TNIP3: variants seen among roughly 807,000 people sequenced by gnomAD.
TNIP3 encodes TNFAIP3 interacting protein 3.
TNIP3 carries 34 observed loss-of-function variants against 54.1 expected under a neutral mutation model. The ratio of observed to expected loss-of-function variants is 0.63; its 90% CI spans 0.48 to 0.84. The LOEUF is 0.84. Ranked by LOEUF, TNIP3 falls within the 40% of genes least tolerant of loss-of-function variation. The pLI, the probability that TNIP3 is intolerant of heterozygous loss-of-function variation, is 0.00. For synonymous variants in TNIP3, 134 were observed against 136.8 expected (o/e 0.98, Z 0.14); for missense variants, 366 against 387.6 (o/e 0.94, Z 0.47).
intron 9 of TNIP3, among the ~76,000 whole-genome samples, chr4:121,140,952 A>G (rs933969059): frequency 1.3e-5 from 2 of 152,190 alleles, no homozygotes; most frequent in African/African-American, 4.8e-5. Context: ...GTTTTGAGTC[A>G]CACTCGAACA....
chr4:121,216,433 T>C lies in TNIP3; in HGVS notation c.50A>G (p.Gln17Arg), dbSNP rs1726795358. 3 of 1,535,722 alleles carry C rather than the reference T, an allele frequency of 2.0e-6. No individual in the cohort carries two copies. In the African/African-American group the frequency reaches 4.1e-5, roughly 21 times the overall value. The stretch of plus-strand genomic sequence containing the variant: ...TTATTACCTTTCAGAATCTTCAGAT[T>C]GATTGGTGAACATTACCAGTTTATC... The change falls in exon 2 of 13, where the codon CAA becomes CGA. Residue 17 changes from glutamine (Q) to arginine (R), a missense_variant. Transcript: ENST00000507879.
chr4:121,157,139 G>A lies in TNIP3; in HGVS notation c.318C>T (p.Asp106=). Residue 106 remains aspartate, a synonymous_variant, in exon 4 of 11, where the codon GAC becomes GAT. Coordinates refer to ENST00000057513, the MANE Select transcript of TNIP3 (RefSeq NM_024873.6). Reference sequence around the variant, plus strand: ...CCCGGGTCAGGTCGCGCTGCCTGTCGTCCTCTCTCTGCCTGTCGTCCTTTC... The same window carrying A: ...CCCGGGTCAGGTCGCGCTGCCTGTCATCCTCTCTCTGCCTGTCGTCCTTTC... ...RQRKDDRQRE[D]DRQRDLTRDR... The A allele has an allele frequency of 6.2e-7, 1 of 1,609,952 alleles. No homozygotes were observed. The highest frequency in any genetic ancestry group is 8.5e-7 in the Non-Finnish European group (1 of 1,178,542).
upstream of TNIP3, among the ~76,000 whole-genome samples, chr4:121,169,073 G>A (rs1050518388): frequency 6.6e-6 from 1 of 152,018 alleles, no homozygotes; most frequent in Non-Finnish European, 1.5e-5. Context: ...AGTGGCCACT[G>A]TGAGACTTTT....
In TNIP3 at chr4:121,141,920, G is replaced by C. The variant is rs373472329; in HGVS notation, c.787-6C>G. 1 of 1,585,916 alleles carries C rather than the reference G, an allele frequency of 6.3e-7. No homozygotes were observed. The highest frequency in any genetic ancestry group is 1.4e-5 in the African/African-American group (1 of 73,546). The stretch of plus-strand genomic sequence containing the variant: ...TTACAGGGTGGGCAATACATCTGAG[G>C]AGAACAAAACTGTGGGGTCACTACC... On this transcript the variant is annotated splice_polypyrimidine_tract_variant and splice_region_variant and intron_variant, in intron 8 of 10. Transcript: ENST00000057513.
chr4:121,199,238 T>C (rs1289825509), intron 2 of TNIP3, among the ~76,000 whole-genome samples: 1 of 152,114 alleles, frequency 6.6e-6, no homozygotes, highest in Non-Finnish European at 1.5e-5. Flanking sequence ...GCGATACAAC[T>C]TCAGGGAACC....
intron 2 of TNIP3, among the ~76,000 whole-genome samples, chr4:121,195,993 A>G (rs1203337597): frequency 6.6e-6 from 1 of 152,198 alleles, no homozygotes; most frequent in Non-Finnish European, 1.5e-5. Flanking sequence ...CAGACTAGTC[A>G]CAGTGATGGC....
At chr4:121,206,174 C>A (rs1184731099) in intron 2 of TNIP3, among the ~76,000 whole-genome samples, 4 of 152,042 alleles carry the variant, frequency 2.6e-5, no homozygotes, top group Non-Finnish European at 4.4e-5. Context: ...CAATATCAGA[C>A]AGGGAAGACC....
intron 9 of TNIP3, 146 bp downstream of exon 9, chr4:121,141,670 T>C (rs1729125068): frequency 6.6e-6 from 3 of 452,710 alleles, no homozygotes; most frequent in East Asian, 7.1e-5. Context: ...CTAGTGTACA[T>C]TGACCACTCC....
chr4:121,199,891 G>C (rs1438394351), intron 2 of TNIP3, among the ~76,000 whole-genome samples: 1 of 152,174 alleles, frequency 6.6e-6, no homozygotes, highest in Non-Finnish European at 1.5e-5. Flanking sequence ...CGAAGGCTGG[G>C]ATACAGCCCA....
upstream of TNIP3, among the ~76,000 whole-genome samples, chr4:121,165,640 CGAT>C (rs201081098): frequency 4.0e-3 from 597 of 150,524 alleles, 5 homozygotes; most frequent in African/African-American, 0.014. Context: ...TTTACAAAAT[CGAT>C]GAACTTTTTG....
chr4:121,212,161 C>T (rs1579501925), intron 2 of TNIP3, among the ~76,000 whole-genome samples: 1 of 152,204 alleles, frequency 6.6e-6, no homozygotes, highest in Admixed American at 6.5e-5. Context: ...GCAGACAGAA[C>T]AAAAGGTGTA....
chr4:121,151,312 C>T (rs1232046484), intron 5 of TNIP3, among the ~76,000 whole-genome samples: 4 of 152,124 alleles, frequency 2.6e-5, no homozygotes, highest in African/African-American at 9.7e-5. Context: ...GTAACTTACT[C>T]CACTGCATTA....
intron 3 of TNIP3, among the ~76,000 whole-genome samples, chr4:121,157,515 C>G (rs1421068187): frequency 6.6e-6 from 1 of 152,134 alleles, no homozygotes; most frequent in Non-Finnish European, 1.5e-5. Context: ...GGATAAAAGA[C>G]TTAGACCCCA....
intron 2 of TNIP3, among the ~76,000 whole-genome samples, chr4:121,199,062 A>C (rs769571741): frequency 2.6e-5 from 4 of 152,212 alleles, no homozygotes; most frequent in Middle Eastern, 3.2e-3. Flanking sequence ...AACCAACCAA[A>C]CAAACAAAGG....
intron 3 of TNIP3, among the ~76,000 whole-genome samples, chr4:121,170,973 G>A (rs1731034249): frequency 6.6e-6 from 1 of 151,980 alleles, no homozygotes; most frequent in South Asian, 2.1e-4. Flanking sequence ...CTGCCACCAT[G>A]CCCTGCTAAT....
intron 3 of TNIP3, among the ~76,000 whole-genome samples, chr4:121,157,859 T>G (rs1263237382): frequency 6.6e-6 from 1 of 152,166 alleles, no homozygotes; most frequent in African/African-American, 2.4e-5. Context: ...TTAAGCATTC[T>G]CTCTGGGATC....
chr4:121,132,721 T>C, intron 10 of TNIP3, 59 bp from the exon 11 acceptor site: 7 of 1,498,664 alleles, frequency 4.7e-6, no homozygotes, highest in South Asian at 2.3e-5. Context: ...TTTCTCTTCT[T>C]CTGGCTTAAG....
intron 4 of TNIP3, among the ~76,000 whole-genome samples, chr4:121,156,443 G>A (rs897868739): frequency 2.0e-5 from 3 of 152,170 alleles, no homozygotes; most frequent in Admixed American, 1.3e-4. Context: ...CTCAGCAAGG[G>A]ACTGATAGAG....
chr4:121,157,380 C>G lies in TNIP3; in HGVS notation c.214-137G>C. ...CCTAAGGAGAGGTTCTAGCTCCCAC[C>G]GTCCCGAACACAGATCGGGATACTC... On this transcript the variant is annotated intron_variant, in intron 3 of 10. Transcript: ENST00000057513. The G allele has an allele frequency of 3.8e-6, 4 of 1,065,868 alleles. No homozygotes were observed. The South Asian group carries it at 5.9e-5, about 16-fold the overall frequency. 66.0% of individuals were successfully genotyped at this position (1,065,868 alleles called of 1,614,324 possible).
Sources: allele counts gnomAD v4.1 joint callset (sites outside exome capture counted in the v4.1 genomes callset), GRCh38; gene constraint gnomAD v4.1.1; transcripts MANE v1.5; gene names NCBI Gene and HGNC (gene_info 2026-07-23, HGNC 2026-07-21).